DGKI: variants seen among roughly 807,000 people sequenced by gnomAD.
DGKI encodes the protein DAG kinase iota.
Under a neutral mutation model 147.5 loss-of-function variants are expected in DGKI, and 55 were observed. The observed-to-expected ratio is 0.37, with a 90% CI of 0.30 to 0.47. The LOEUF (loss-of-function observed/expected upper bound fraction) is 0.47. Among genes scored for constraint, DGKI ranks in the 20% least tolerant of loss-of-function variants. DGKI has a pLI of 1.00. For synonymous variants in DGKI, 469 were observed against 477.1 expected, an observed-to-expected ratio of 0.98 and a Z score of 0.22; for missense variants, 1,007 against 1,323.8, an observed-to-expected ratio of 0.76 and a Z score of 3.71.
At chr7:137,557,612 GAGTA>G (rs1304299625) in intron 19 of DGKI, among the ~76,000 whole-genome samples, 2 of 152,162 alleles carry the variant, frequency 1.3e-5, no homozygotes, top group East Asian at 3.8e-4. Flanking sequence ...AGGGAGGAGA[GAGTA>G]AGTATTTCTT....
chr7:137,438,048 A>G (rs1402832006), intron 28 of DGKI, among the ~76,000 whole-genome samples: 1 of 152,146 alleles, frequency 6.6e-6, no homozygotes, highest in African/African-American at 2.4e-5. Context: ...CCAAAGGCAT[A>G]AACCATAGAG....
Position 137,407,989 on chromosome 7 carries a change from C to T in DGKI, c.2806G>A (p.Glu936Lys), listed in dbSNP as rs757590842. Residue 936 changes from glutamate to lysine, a missense_variant, in exon 30 of 33, where the codon GAA becomes AAA. Glu to Lys is a moderately conservative substitution (Grantham distance 56). Around this residue, in one of 5 missense-constraint regions of DGKI, gnomAD observed 385 missense variants for 445.2 expected, o/e 0.86. Transcript: ENST00000614521. ...AGACTGCCTCCATTTTTATAGCTTTCTATTAGCTGCAAAGAGAGACATACA... is the reference window on the plus strand; with the variant it reads ...AGACTGCCTCCATTTTTATAGCTTTTTATTAGCTGCAAAGAGAGACATACA... ...VIAGDLMKLIESYKNGGSLLI... is the reference protein window; with the variant it reads ...VIAGDLMKLIKSYKNGGSLLI... 5 of 1,536,926 alleles carry T rather than the reference C, an allele frequency of 3.3e-6. No homozygotes were observed. The South Asian group carries it at 4.5e-5, about 14-fold the overall frequency.
chr7:137,798,944 C>T (rs1797114519), intron 1 of DGKI, among the ~76,000 whole-genome samples: 1 of 152,016 alleles, frequency 6.6e-6, no homozygotes, highest in Non-Finnish European at 1.5e-5. Context: ...TTTGTAAAAA[C>T]CCAACATCTG....
chr7:137,472,331 A>ATGTGTATATTTATGTG (rs1814978148), intron 23 of DGKI, among the ~76,000 whole-genome samples: 5 of 2,550 alleles, frequency 2.0e-3, no homozygotes, highest in African/African-American at 2.2e-3. Flanking sequence ...TATTATATGT[A>ATGTGTATATTTATGTG]TATATACATA....
At position 137,429,320 on chromosome 7, in the gene DGKI, T is replaced by C. The variant is rs1196450987; in HGVS notation, c.2761+14757A>G. The stretch of plus-strand genomic sequence containing the variant: ...AATGGGGAAAGGATTCCCTATTTAA[T>C]AAATGGTGCTGGGAAAACTGGCTAG... On this transcript the variant is annotated intron_variant, in intron 28 of 32. Transcript: ENST00000614521. Among the ~76,000 whole-genome samples, 4 of 152,192 alleles carry C rather than the reference T, an allele frequency of 2.6e-5. No individual in the cohort carries two copies. In the East Asian group the frequency reaches 7.7e-4, roughly 29 times the overall value.
chr7:137,433,801 C>A (rs1328771098), intron 28 of DGKI, among the ~76,000 whole-genome samples: 1 of 152,184 alleles, frequency 6.6e-6, no homozygotes, highest in African/African-American at 2.4e-5. Context: ...TGTCTGATGG[C>A]CCCTTCTCAT....
At chr7:137,438,087 A>G (rs566106938) in intron 28 of DGKI, among the ~76,000 whole-genome samples, 1 of 152,286 alleles carries the variant, frequency 6.6e-6, no homozygotes, top group African/African-American at 2.4e-5. Context: ...CTGCAGTAAA[A>G]TAAAGAATAT....
At chr7:137,519,558 A>T (rs1472852127) in intron 21 of DGKI, among the ~76,000 whole-genome samples, 1 of 151,980 alleles carries the variant, frequency 6.6e-6, no homozygotes, top group Non-Finnish European at 1.5e-5. Flanking sequence ...AGTCCCTTTT[A>T]TCTAGATGTG....
chr7:137,806,242 A>G (rs930687851), intron 1 of DGKI, among the ~76,000 whole-genome samples: 1 of 152,226 alleles, frequency 6.6e-6, no homozygotes, highest in Non-Finnish European at 1.5e-5. Flanking sequence ...CTTGCGTTGC[A>G]TCTAAATCAG....
At chr7:137,445,663 G>C (rs905708889) in intron 27 of DGKI, among the ~76,000 whole-genome samples, 1 of 152,106 alleles carries the variant, frequency 6.6e-6, no homozygotes, top group African/African-American at 2.4e-5. Context: ...TATTCAGACT[G>C]ACACATTCTG....
intron 30 of DGKI, among the ~76,000 whole-genome samples, chr7:137,402,150 T>C (rs1010609966): frequency 6.6e-6 from 1 of 152,190 alleles, no homozygotes; most frequent in Non-Finnish European, 1.5e-5. Flanking sequence ...AGGTTAGCAG[T>C]GATTGTTACA....
chr7:137,392,811 A>T (rs1647180), intron 32 of DGKI, among the ~76,000 whole-genome samples: 151,591 of 152,288 alleles, frequency 1, 75,453 homozygotes, highest in East Asian at 1. Flanking sequence ...GAGGAACTGA[A>T]CTCTAATAGG....
rs1386281275 is a variant in DGKI at position 137,576,043 on chromosome 7, C to CTTTTTTTT, written c.1761+1171_1761+1178dup. On this transcript the variant is annotated intron_variant, in intron 17 of 32. Transcript: ENST00000614521. ...TGTCAAAATTAATCTTTTTCTTTTT[C>CTTTTTTTT]TTTTTTTTTTTTTTAGACGGAGTGT... is the stretch of plus-strand genomic sequence containing the variant. 5.2e-5 allele frequency among the ~76,000 whole-genome samples: 7 copies of CTTTTTTTT among 135,062 alleles called. No homozygotes were observed. The East Asian group carries it at 8.4e-4, about 16-fold the overall frequency. The allele number at this position is 135,062 out of a possible 152,430, so 88.6% of individuals were successfully genotyped here.
At chr7:137,722,054 C>T in intron 1 of DGKI, 1 of 1,596,218 alleles carries the variant, frequency 6.3e-7, no homozygotes, top group Non-Finnish European at 8.5e-7. Flanking sequence ...AAGGCTGATG[C>T]TGGTGGCAAG....
intron 1 of DGKI, among the ~76,000 whole-genome samples, chr7:137,743,667 T>C (rs543773069): frequency 1.6e-4 from 24 of 152,020 alleles, no homozygotes; most frequent in African/African-American, 5.8e-4. Context: ...ACTTCACACA[T>C]AAAGGAACTA....
intron 23 of DGKI, among the ~76,000 whole-genome samples, chr7:137,478,183 G>C (rs1009688632): frequency 6.6e-6 from 1 of 152,110 alleles, no homozygotes; most frequent in Non-Finnish European, 1.5e-5. Context: ...GCTTATATAA[G>C]TCAAGAGATA....
chr7:137,755,512 C>G (rs552110518), intron 1 of DGKI, among the ~76,000 whole-genome samples: 3 of 152,162 alleles, frequency 2.0e-5, no homozygotes, highest in Admixed American at 2.0e-4. Flanking sequence ...GTCACTCACA[C>G]GTGGAACAAA....
chr7:137,464,209 A>T (rs375438901), intron 26 of DGKI, among the ~76,000 whole-genome samples: 1 of 148,676 alleles, frequency 6.7e-6, no homozygotes, highest in African/African-American at 2.5e-5. Context: ...GTGAGCCAAG[A>T]TCGCACCACT....
At chr7:137,465,250 A>T (rs775419875) in intron 26 of DGKI, among the ~76,000 whole-genome samples, 30 of 152,222 alleles carry the variant, frequency 2.0e-4, no homozygotes, top group Non-Finnish European at 1.0e-4. Context: ...CACTAGAATG[A>T]TGGTGATGAC....
Sources: gnomAD v4.1 joint callset for allele counts (sites outside exome capture counted in the v4.1 genomes callset) on GRCh38, gnomAD v4.1.1 for gene constraint, gnomAD v4.1.1 regional missense constraint, MANE v1.5 for transcripts, NCBI Gene and HGNC (gene_info 2026-07-23, HGNC 2026-07-21) for gene names.